The following C7 variants were observed in gnomAD, a reference collection of about 807,000 sequenced individuals.
The protein encoded by C7 is complement component C7.
A neutral mutation model predicts 104.8 loss-of-function variants in C7; 83 were observed. The observed-to-expected ratio is 0.79, with a 90% confidence interval of 0.66 to 0.95. The LOEUF is 0.95. Among genes scored for constraint, C7 ranks in the 40% least tolerant of loss-of-function variants. C7 has a pLI of 0.00. For synonymous variants in C7, 415 were observed against 360.6 expected (o/e 1.15, Z -1.71); for missense variants, 1,070 against 1,011.2 (o/e 1.06, Z -0.79).
chr5:40,910,002 G>A (rs1424933413), intron 1 of C7, among the ~76,000 whole-genome samples: 2 of 136,886 alleles, frequency 1.5e-5, no homozygotes, highest in African/African-American at 2.8e-5. Flanking sequence ...TGCTTGTTTG[G>A]ATTAGGAGCC....
At chr5:40,979,682 G>T in intron 16 of C7, 43 bp from the exon 17 acceptor site, 2 of 1,536,242 alleles carry the variant, frequency 1.3e-6, no homozygotes, top group South Asian at 1.2e-5. Context: ...CAGCTTTTAC[G>T]AACAAAAATC....
At chr5:40,924,180 C>A (rs575262476) in intron 1 of C7, among the ~76,000 whole-genome samples, 4 of 152,180 alleles carry the variant, frequency 2.6e-5, no homozygotes, top group Non-Finnish European at 5.9e-5. Flanking sequence ...ATTGGGTAAA[C>A]TCTCCTTTCC....
Position 40,934,431 on chromosome 5 carries a change from A to C in C7, c.245A>C (p.Glu82Ala), listed in dbSNP as rs943134574. The change falls in exon 4 of 18, where the codon GAG (glutamate) becomes GCG (alanine). Residue 82 changes from glutamate (E) to alanine (A), a missense_variant. Physicochemically the swap from Glu to Ala is moderately radical, Grantham distance 107. Coordinates refer to ENST00000313164, the MANE Select transcript of C7 (RefSeq NM_000587.4). Reference protein sequence around the residue: ...SCEPTRGCPTEEGCGERFRCF... With the variant: ...SCEPTRGCPTAEGCGERFRCF... ...GAACCTACAAGAGGATGTCCAACAGAGGAGGGATGTGGAGAGCGTTTCAGG... is the reference window on the plus strand; with the variant it reads ...GAACCTACAAGAGGATGTCCAACAGCGGAGGGATGTGGAGAGCGTTTCAGG... The C allele has an allele frequency of 6.2e-7, 1 of 1,613,676 alleles. No homozygotes were observed. Among genetic ancestry groups the C allele is most frequent in the Non-Finnish European group, 8.5e-7 (1 of 1,179,734 alleles).
intron 6 of C7, among the ~76,000 whole-genome samples, chr5:40,944,967 G>T (rs1740014312): frequency 6.6e-6 from 1 of 152,190 alleles, no homozygotes; most frequent in African/African-American, 2.4e-5. Flanking sequence ...AATGCATTTT[G>T]TGAGTCACTT....
At chr5:40,943,642 C>G (rs1220354259) in intron 6 of C7, among the ~76,000 whole-genome samples, 2 of 146,586 alleles carry the variant, frequency 1.4e-5, no homozygotes, top group Admixed American at 1.4e-4. Flanking sequence ...TTTTTTAAAT[C>G]AATAATATAT....
chr5:40,968,812 A>C (rs1740628945), intron 14 of C7, among the ~76,000 whole-genome samples: 1 of 150,824 alleles, frequency 6.6e-6, no homozygotes, highest in African/African-American at 2.4e-5. Context: ...GGGTTTCACC[A>C]TGTTGCCGTG....
chr5:40,954,899 A>G (rs1159056714), intron 9 of C7: 3 of 292,488 alleles, frequency 1.0e-5, no homozygotes, highest in East Asian at 1.1e-4. Context: ...AAAAAAAAAA[A>G]AAAAAAGAAA....
intron 12 of C7, among the ~76,000 whole-genome samples, chr5:40,961,135 A>C (rs1183241350): frequency 6.6e-6 from 1 of 152,224 alleles, no homozygotes; most frequent in Non-Finnish European, 1.5e-5. Flanking sequence ...TAGAAGGTGC[A>C]CAATTGTAGG....
chr5:40,969,709 T>C (rs1312500849), intron 14 of C7, among the ~76,000 whole-genome samples: 1 of 152,100 alleles, frequency 6.6e-6, no homozygotes, highest in East Asian at 1.9e-4. Flanking sequence ...TAAAAGCTGT[T>C]TATCTTTTTA....
At chr5:40,958,451 A>G (rs544668645) in intron 11 of C7, among the ~76,000 whole-genome samples, 190 bp downstream of exon 11, 32 of 152,196 alleles carry the variant, frequency 2.1e-4, no homozygotes, top group African/African-American at 7.0e-4. Context: ...ATCTCTATTT[A>G]TCCATCTGAA....
intron 1 of C7, among the ~76,000 whole-genome samples, chr5:40,915,153 A>G (rs1277018915): frequency 6.6e-6 from 1 of 152,240 alleles, no homozygotes; most frequent in Admixed American, 6.5e-5. Context: ...CCAAAGAACC[A>G]CAAAAACACT....
intron 13 of C7, among the ~76,000 whole-genome samples, chr5:40,964,102 G>A (rs888314176): frequency 1.5e-5 from 2 of 129,958 alleles, no homozygotes; most frequent in Non-Finnish European, 3.1e-5. Context: ...GCATGCAGTG[G>A]CACTATCTCG....
chr5:40,934,784 T>C (rs41271057), intron 4 of C7, among the ~76,000 whole-genome samples: 242 of 152,256 alleles, frequency 1.6e-3, no homozygotes, highest in Non-Finnish European at 2.9e-3. Context: ...GTACATATAT[T>C]GAGATTAGAC....
chr5:40,942,826 G>A (rs1739969104), intron 6 of C7, among the ~76,000 whole-genome samples: 2 of 150,998 alleles, frequency 1.3e-5, no homozygotes, highest in South Asian at 2.1e-4. Flanking sequence ...GTGCAGTGGC[G>A]TGATCTCGGC....
intron 17 of C7, among the ~76,000 whole-genome samples, chr5:40,980,819 G>A (rs1416680082): frequency 1.3e-5 from 2 of 152,184 alleles, no homozygotes; most frequent in Non-Finnish European, 2.9e-5. Flanking sequence ...CCATGTCTGG[G>A]TCACTTTTGG....
rs116980102 is a variant in C7, at chr5:40,924,499, C to T, written c.7-4081C>T. Among the ~76,000 whole-genome samples the T allele has an allele frequency of 1.3e-3, 191 of 152,318 alleles. 3 individuals carry two copies. The East Asian group carries it at 0.03, about 24-fold the overall frequency. ...TCTGGGGTCTGGAGGACAGTGATCC[C>T]CTTTCCACTAATTCACTAGGCAGTA... On this transcript the variant is annotated intron_variant, in intron 1 of 17. Transcript: ENST00000313164.
chr5:40,934,495 C>G (rs758326326), intron 4 of C7, 29 bp downstream of exon 4: 6 of 1,607,320 alleles, frequency 3.7e-6, no homozygotes, highest in South Asian at 2.2e-5. Context: ...GCTCAGCATG[C>G]AGATTGTAAA....
intron 15 of C7, among the ~76,000 whole-genome samples, chr5:40,974,054 A>G (rs1268512475): frequency 6.6e-6 from 1 of 152,070 alleles, no homozygotes; most frequent in Admixed American, 6.5e-5. Context: ...TTTTTTTATT[A>G]TAATAAAGCA....
At chr5:40,921,830 T>C (rs894412154) in intron 1 of C7, among the ~76,000 whole-genome samples, 1 of 150,990 alleles carries the variant, frequency 6.6e-6, no homozygotes, top group Non-Finnish European at 1.5e-5. Context: ...AGGTTAGGAG[T>C]TCGAGACCAG....
Sources: gnomAD v4.1 joint callset for allele counts (sites outside exome capture counted in the v4.1 genomes callset) on GRCh38, gnomAD v4.1.1 for gene constraint, MANE v1.5 for transcripts, NCBI Gene and HGNC (gene_info 2026-07-23, HGNC 2026-07-21) for gene names.